Variants in TYW1 observed in about 807,000 individuals in gnomAD.
The protein encoded by TYW1 is tRNA-yW synthesizing protein 1 homolog.
A neutral mutation model predicts 96.2 loss-of-function variants in TYW1; 46 were observed. The ratio of observed to expected loss-of-function variants is 0.48; its 90% CI spans 0.38 to 0.61. TYW1 has a LOEUF of 0.61. Among genes scored for constraint, TYW1 ranks in the 20% least tolerant of loss-of-function variants. TYW1 has a pLI of 0.00. For synonymous variants in TYW1, 274 were observed against 323.0 expected (o/e 0.85, Z 1.63); for missense variants, 684 against 909.6 (o/e 0.75, Z 3.19).
chr7:67,160,610 GAA>G (rs1456607346), intron 13 of TYW1, among the ~76,000 whole-genome samples: 3 of 146,908 alleles, frequency 2.0e-5, no homozygotes, highest in Non-Finnish European at 4.4e-5. Flanking sequence ...TCACTTTTTT[GAA>G]TTGGAGTCTC....
At chr7:67,207,408 A>T (rs1800840968) in intron 15 of TYW1, among the ~76,000 whole-genome samples, 1 of 152,142 alleles carries the variant, frequency 6.6e-6, no homozygotes, top group Non-Finnish European at 1.5e-5. Flanking sequence ...TATTCAGTAA[A>T]TATTTACCAG....
chr7:67,090,620 G>A (rs1231189778), intron 11 of TYW1, among the ~76,000 whole-genome samples: 1 of 152,146 alleles, frequency 6.6e-6, no homozygotes, highest in Non-Finnish European at 1.5e-5. Flanking sequence ...GAATAACAAA[G>A]CAGAGTTTAG....
intron 15 of TYW1, among the ~76,000 whole-genome samples, chr7:67,233,722 C>G (rs1801805387): frequency 7.4e-6 from 1 of 135,676 alleles, no homozygotes; most frequent in Non-Finnish European, 1.6e-5. Flanking sequence ...TCAGTCATAC[C>G]AAATTTTGCT....
chr7:67,089,773 T>C (rs1935884150), intron 11 of TYW1, among the ~76,000 whole-genome samples: 1 of 152,242 alleles, frequency 6.6e-6, no homozygotes, highest in Non-Finnish European at 1.5e-5. Context: ...AATATCTTTC[T>C]TTTCCTGACC....
At chr7:67,054,414 G>T (rs182143517) in intron 8 of TYW1, among the ~76,000 whole-genome samples, 1 of 152,190 alleles carries the variant, frequency 6.6e-6, no homozygotes, top group Non-Finnish European at 1.5e-5. Flanking sequence ...AGAAGAACTA[G>T]AATTTCCTCT....
At chr7:67,054,566 C>T (rs1373266972) in intron 8 of TYW1, among the ~76,000 whole-genome samples, 1 of 152,104 alleles carries the variant, frequency 6.6e-6, no homozygotes. Context: ...AAGACAAAGC[C>T]CTGTAAATGT....
intron 6 of TYW1, among the ~76,000 whole-genome samples, chr7:67,020,396 G>A (rs1197463370): frequency 7.3e-5 from 2 of 27,300 alleles, no homozygotes; most frequent in Non-Finnish European, 2.5e-4. Flanking sequence ...CCGCCACCAC[G>A]CCCAGCTAAT....
intron 15 of TYW1, among the ~76,000 whole-genome samples, chr7:67,211,746 G>A (rs1459412337): frequency 2.6e-5 from 4 of 152,096 alleles, no homozygotes; most frequent in Admixed American, 6.5e-5. Context: ...TTCACTATTC[G>A]ACTGCAGTGT....
intron 13 of TYW1, among the ~76,000 whole-genome samples, chr7:67,145,072 T>A (rs1410901122): frequency 6.8e-6 from 1 of 146,178 alleles, no homozygotes; most frequent in Non-Finnish European, 1.5e-5. Context: ...TGTTTTCAGT[T>A]GTTAGCAGTC....
At chr7:67,171,353 G>A (rs541150573) in intron 13 of TYW1, among the ~76,000 whole-genome samples, 2 of 151,898 alleles carry the variant, frequency 1.3e-5, no homozygotes, top group African/African-American at 2.4e-5. Context: ...TTTGTCTCCC[G>A]AGTTGTTTTT....
chr7:67,082,368 T>C (rs1796416690), intron 10 of TYW1, among the ~76,000 whole-genome samples: 1 of 152,156 alleles, frequency 6.6e-6, no homozygotes, highest in South Asian at 2.1e-4. Context: ...AGTAGTATAG[T>C]AGTGTACATG....
intron 10 of TYW1, among the ~76,000 whole-genome samples, chr7:67,083,076 T>C (rs1584539096): frequency 1.3e-5 from 2 of 152,202 alleles, no homozygotes; most frequent in Admixed American, 1.3e-4. Flanking sequence ...TCACTCACTT[T>C]ATGAAGTGTC....
intron 11 of TYW1, among the ~76,000 whole-genome samples, chr7:67,088,276 A>C (rs1448344916): frequency 6.6e-6 from 1 of 152,198 alleles, no homozygotes; most frequent in African/African-American, 2.4e-5. Flanking sequence ...TAGGTTAAAC[A>C]AGCCATTATT....
At chr7:67,165,044 A>G (rs985056330) in intron 13 of TYW1, among the ~76,000 whole-genome samples, 1 of 151,348 alleles carries the variant, frequency 6.6e-6, no homozygotes, top group African/African-American at 2.4e-5. Flanking sequence ...TACTTTTCTA[A>G]ACGTTGGTAC....
chr7:67,140,340 T>C (rs1397684771), intron 13 of TYW1, among the ~76,000 whole-genome samples: 1 of 151,778 alleles, frequency 6.6e-6, no homozygotes, highest in Non-Finnish European at 1.5e-5. Context: ...TTTTCCCACT[T>C]ACATAATGGT....
chr7:67,186,321 A>G (rs1286154943), intron 14 of TYW1, among the ~76,000 whole-genome samples: 6 of 111,932 alleles, frequency 5.4e-5, no homozygotes, highest in African/African-American at 7.3e-5. Flanking sequence ...ATGTTTTTCT[A>G]TAAAGGACAG....
At chr7:67,054,660 C>G (rs1299509185) in intron 8 of TYW1, among the ~76,000 whole-genome samples, 1 of 152,106 alleles carries the variant, frequency 6.6e-6, no homozygotes, top group Non-Finnish European at 1.5e-5. Context: ...AGCCACTGAT[C>G]CACTTATGCT....
chr7:67,097,481 C>G (rs887918564), intron 11 of TYW1, among the ~76,000 whole-genome samples: 1 of 152,194 alleles, frequency 6.6e-6, no homozygotes, highest in African/African-American at 2.4e-5. Flanking sequence ...TCACTGCAAT[C>G]TGTGCCTCCT....
intron 3 of TYW1, among the ~76,000 whole-genome samples, chr7:67,007,949 C>G (rs1268914448): frequency 6.6e-6 from 1 of 151,996 alleles, no homozygotes; most frequent in African/African-American, 2.4e-5. Context: ...TGTCCTTTTT[C>G]TATACCAGTT....
Sources: gnomAD v4.1 joint callset for allele counts (sites outside exome capture counted in the v4.1 genomes callset) on GRCh38, gnomAD v4.1.1 for gene constraint, MANE v1.5 for transcripts, NCBI Gene and HGNC (gene_info 2026-07-23, HGNC 2026-07-21) for gene names.